Variants in EP400 observed in about 807,000 individuals in gnomAD.
EP400 encodes the protein E1A-binding protein p400.
A neutral mutation model predicts 354.1 loss-of-function variants in EP400; 105 were observed. The ratio of observed to expected loss-of-function variants is 0.30; its 90% CI spans 0.25 to 0.35. The LOEUF (loss-of-function observed/expected upper bound fraction) is 0.35, where lower values mean the gene tolerates loss of function less well. EP400 is among the 10% of genes least tolerant of loss of function. The pLI is 1.00. For missense variants in EP400, 3,280 were observed against 4,121.0 expected (o/e 0.80, Z 5.59); for synonymous variants, 1,646 against 1,716.9 (o/e 0.96, Z 1.02).
chr12:132,044,905 C>A lies in EP400; in HGVS notation c.6736C>A (p.Pro2246Thr), dbSNP rs772378346. Residue 2246 changes from proline to threonine, a missense_variant, in exon 37 of 53, where the codon CCT (proline) becomes ACT (threonine). Pro to Thr is a conservative substitution (Grantham distance 38). Transcript: ENST00000389561. The part of the protein sequence containing the change: ...ATPIPEAKLP[P>T]VYVRKERKRH... ...TCCCATCCCAGAGGCTAAGCTGCCC[C>A]CTGTGTACGTGAGGAAGGAGCGGAA... 2 of 1,614,208 alleles carry A rather than the reference C, an allele frequency of 1.2e-6. No homozygotes were observed. Among genetic ancestry groups the A allele is most frequent in the Non-Finnish European group, 1.7e-6 (2 of 1,180,036 alleles).
At chr12:131,964,772 T>C (rs1892016935) in intron 2 of EP400, among the ~76,000 whole-genome samples, 1 of 152,256 alleles carries the variant, frequency 6.6e-6, no homozygotes, top group Admixed American at 6.5e-5. Flanking sequence ...ATGTATTAGA[T>C]AAGAATGTTT....
chr12:132,040,027 G>A (rs1894844523), intron 32 of EP400, among the ~76,000 whole-genome samples: 1 of 152,188 alleles, frequency 6.6e-6, no homozygotes, highest in Admixed American at 6.5e-5. Flanking sequence ...GTGACAGAGT[G>A]ACACCCTGTC....
chr12:132,044,401 T>C (rs1895016300), intron 35 of EP400, 90 bp downstream of exon 35: 1 of 1,493,522 alleles, frequency 6.7e-7, no homozygotes, highest in Non-Finnish European at 8.9e-7. Flanking sequence ...TCTGTGTACA[T>C]TGACATGAGA....
At chr12:131,972,442 C>T (rs537030122) in intron 2 of EP400, among the ~76,000 whole-genome samples, 106 of 152,102 alleles carry the variant, frequency 7.0e-4, no homozygotes, top group African/African-American at 2.2e-3. Context: ...CGTGAGCCAC[C>T]GCACCTGGCC....
intron 2 of EP400, among the ~76,000 whole-genome samples, chr12:131,964,767 T>G (rs1168056998): frequency 6.6e-6 from 1 of 152,238 alleles, no homozygotes; most frequent in Non-Finnish European, 1.5e-5. Context: ...TCAGCATGTA[T>G]TAGATAAGAA....
chr12:132,002,118 G>A (rs1375513263), intron 12 of EP400, among the ~76,000 whole-genome samples: 2 of 152,234 alleles, frequency 1.3e-5, no homozygotes, highest in South Asian at 4.1e-4. Context: ...GTGTTCTTTT[G>A]TAAAGCATGT....
intron 3 of EP400, among the ~76,000 whole-genome samples, chr12:131,980,385 CCT>C (rs1185565896): frequency 6.6e-6 from 1 of 152,196 alleles, no homozygotes; most frequent in Non-Finnish European, 1.5e-5. Flanking sequence ...CAGGTCATAA[CCT>C]CTCTCAGTGC....
intron 12 of EP400, among the ~76,000 whole-genome samples, chr12:132,001,996 T>C (rs1322880909): frequency 1.3e-5 from 2 of 152,228 alleles, no homozygotes; most frequent in African/African-American, 4.8e-5. Context: ...GTCTCTTGCC[T>C]CGGCACCTGG....
rs1478030046 is a variant in EP400 at position 132,029,760 on chromosome 12, C to T, written c.5441C>T (p.Pro1814Leu). Reference sequence around the variant, plus strand: ...CCCCCGTCCCTACGGGTGCCGCGGCCGCCACCCCTGTACAGCCACAGAATG... The same window carrying T: ...CCCCCGTCCCTACGGGTGCCGCGGCTGCCACCCCTGTACAGCCACAGAATG... ...AAPPSLRVPR[P>L]PPLYSHRMRI... Residue 1814 changes from proline (P) to leucine (L), a missense_variant, in exon 28 of 53, where the codon CCG (proline) becomes CTG (leucine). This residue lies in a region of EP400 where 459 missense variants were observed against 496.9 expected (regional missense o/e 0.92). Coordinates refer to ENST00000389561, the MANE Select transcript of EP400 (RefSeq NM_015409.5). This position sits in a 1 kb window ranked among gnomAD's most constrained non-coding sequence, Gnocchi z 4.7. 1.9e-6 allele frequency: 3 copies of T among 1,613,370 alleles called. No homozygotes were observed. The highest frequency in any genetic ancestry group is 1.1e-5 in the South Asian group (1 of 91,084).
chr12:132,043,356 A>G lies in EP400; in HGVS notation c.6260A>G (p.Glu2087Gly). Reference protein sequence around the residue: ...LEEDAQKSAQEGVLGPHTDAL... With the variant: ...LEEDAQKSAQGGVLGPHTDAL... Reference sequence around the variant, plus strand: ...GAGGATGCCCAGAAGTCCGCACAGGAGGGGGTGCTGGGACCACACACTGAT... The same window carrying G: ...GAGGATGCCCAGAAGTCCGCACAGGGGGGGGTGCTGGGACCACACACTGAT... Residue 2087 changes from glutamate to glycine, a missense_variant, in exon 33 of 53, where the codon GAG becomes GGG. By Grantham distance (98) the Glu-to-Gly change is moderately conservative. Transcript: ENST00000389561. The G allele has an allele frequency of 6.2e-7, 1 of 1,614,074 alleles. No individual in the cohort carries two copies. The highest frequency in any genetic ancestry group is 8.5e-7 in the Non-Finnish European group (1 of 1,180,020).
chr12:131,982,214 G>T lies in EP400; in HGVS notation c.1665G>T (p.Pro555=), dbSNP rs773594607. 3.1e-6 allele frequency: 5 copies of T among 1,613,686 alleles called. No individual in the cohort carries two copies. The East Asian group carries it at 6.7e-5, about 22-fold the overall frequency. Residue 555 remains proline, a synonymous_variant, in exon 5 of 53, where the codon CCG becomes CCT. Coordinates refer to ENST00000389561, the MANE Select transcript of EP400 (RefSeq NM_015409.5). The part of the protein sequence containing the change: ...QNAASLHTPL[P]QLPGRLPPAG... ...CTGCCAGCTTGCACACCCCACTGCC[G>T]CAGCTGCCCGGGAGGCTGCCCCCAG...
chr12:131,963,258 G>A (rs533204373), intron 2 of EP400, among the ~76,000 whole-genome samples: 1 of 152,288 alleles, frequency 6.6e-6, no homozygotes, highest in East Asian at 1.9e-4. Context: ...GTTACTTGAA[G>A]TCTGTCTGCC....
chr12:132,029,589 C>T lies in EP400; in HGVS notation c.5382-112C>T. 1 of 1,219,858 alleles carries T rather than the reference C, an allele frequency of 8.2e-7. No homozygotes were observed. The highest frequency in any genetic ancestry group is 1.2e-6 in the Non-Finnish European group (1 of 858,444). 75.6% of individuals were successfully genotyped at this position (1,219,858 alleles called of 1,614,324 possible). Reference sequence around the variant, plus strand: ...CCCCATGTGACTGGGTTGAGCCCTGCTGTTTCCTGGGACTTGGACTGTCAG... The same window carrying T: ...CCCCATGTGACTGGGTTGAGCCCTGTTGTTTCCTGGGACTTGGACTGTCAG... On this transcript the variant is annotated intron_variant, in intron 27 of 52. Coordinates refer to ENST00000389561, the MANE Select transcript of EP400 (RefSeq NM_015409.5). The surrounding 1 kb of genome is among the most constrained non-coding windows in gnomAD (Gnocchi z 4.7).
chr12:132,060,154 G>C (rs1217270071), intron 45 of EP400, among the ~76,000 whole-genome samples: 1 of 152,102 alleles, frequency 6.6e-6, no homozygotes, highest in African/African-American at 2.4e-5. Flanking sequence ...CAAAACTGGG[G>C]GAAACAACCC....
In EP400 at chr12:132,013,460, C is replaced by T. The variant is rs1278299527; in HGVS notation, c.3612-30C>T. ...TGCAGCCAGCCCCGTGGCTGTAGAACTCCAGTGTTGTCTCTTGTCCTGTTT... is the reference window on the plus strand; with the variant it reads ...TGCAGCCAGCCCCGTGGCTGTAGAATTCCAGTGTTGTCTCTTGTCCTGTTT... On this transcript the variant is annotated intron_variant, in intron 17 of 52. Coordinates refer to ENST00000389561, the MANE Select transcript of EP400 (RefSeq NM_015409.5). The surrounding 1 kb of genome is among the most constrained non-coding windows in gnomAD (Gnocchi z 4.5). 1 of 1,529,578 alleles carries T rather than the reference C, an allele frequency of 6.5e-7. No individual in the cohort carries two copies. The highest frequency in any genetic ancestry group is 8.8e-7 in the Non-Finnish European group (1 of 1,138,354). 94.8% of individuals were successfully genotyped at this position (1,529,578 alleles called of 1,614,324 possible). A position where few individuals can be genotyped will look rare whatever the true frequency, so the allele number is the denominator to read the frequency against.
rs1480569481 is a variant in EP400, at chr12:132,058,927, G to A, written c.7885-3183G>A. Among the ~76,000 whole-genome samples, 8 of 152,012 alleles carry A rather than the reference G, an allele frequency of 5.3e-5. No homozygotes were observed. In the East Asian group the frequency reaches 1.2e-3, roughly 22 times the overall value. ...TCAGCTTCCTGAATAGTTGGGATGCGAAAACTGTTTAAGGAGTCCAGAAAA... is the reference window on the plus strand; with the variant it reads ...TCAGCTTCCTGAATAGTTGGGATGCAAAAACTGTTTAAGGAGTCCAGAAAA... On this transcript the variant is annotated intron_variant, in intron 45 of 52. Coordinates refer to ENST00000389561, the MANE Select transcript of EP400 (RefSeq NM_015409.5).
chr12:132,035,015 A>C (rs564177381), intron 30 of EP400, among the ~76,000 whole-genome samples: 4 of 152,196 alleles, frequency 2.6e-5, no homozygotes, highest in Admixed American at 2.0e-4. Context: ...TTCTCAGTGC[A>C]AGTAAAGAGT....
chr12:131,960,707 G>GTCCCCCCCCCCCCCCC lies in EP400; in HGVS notation c.88_89insTCCCCCCCCCCCCCCC (p.Ala30ValfsTer40). The GTCCCCCCCCCCCCCCC allele has an allele frequency of 6.5e-7, 1 of 1,545,590 alleles. No individual in the cohort carries two copies. Among genetic ancestry groups the GTCCCCCCCCCCCCCCC allele is most frequent in the South Asian group, 1.2e-5 (1 of 83,348 alleles). Reference sequence around the variant, plus strand: ...TGGCAGCGAGGGTGAGGAGCAGCCGGCCCACCCCAACCCACCCCCGTCCCC... The same window carrying GTCCCCCCCCCCCCCCC: ...TGGCAGCGAGGGTGAGGAGCAGCCGGTCCCCCCCCCCCCCCCCCCACCCCAACCCACCCCCGTCCCC... On this transcript the variant is annotated frameshift_variant, in exon 2 of 53. Coordinates refer to ENST00000389561, the MANE Select transcript of EP400 (RefSeq NM_015409.5). LOFTEE classifies it high-confidence loss of function.
At chr12:131,993,169 G>C (rs1298154306) in intron 11 of EP400, among the ~76,000 whole-genome samples, 3 of 152,156 alleles carry the variant, frequency 2.0e-5, no homozygotes, top group Non-Finnish European at 2.9e-5. Flanking sequence ...TGAGACTACA[G>C]GTGCGGACTA....
Sources: allele counts gnomAD v4.1 joint callset (sites outside exome capture counted in the v4.1 genomes callset), GRCh38; gene constraint gnomAD v4.1.1; regional missense constraint gnomAD v4.1.1; non-coding constraint Gnocchi (gnomAD v3.1); transcripts MANE v1.5; gene names NCBI Gene and HGNC (gene_info 2026-07-23, HGNC 2026-07-21).